Variants in FAM107B observed in about 807,000 individuals in gnomAD.
FAM107B encodes the protein family with sequence similarity 107 member B.
A neutral mutation model predicts 31.5 loss-of-function variants in FAM107B; 21 were observed. That is an observed-to-expected ratio of 0.67 (90% CI 0.47 to 0.96). The LOEUF (loss-of-function observed/expected upper bound fraction) is 0.96, where lower values mean the gene tolerates loss of function less well. Among genes scored for constraint, FAM107B ranks in the 40% least tolerant of loss-of-function variants. The pLI, the probability that FAM107B is intolerant of heterozygous loss-of-function variation, is 0.00. For synonymous variants in FAM107B, 157 were observed against 141.5 expected, an observed-to-expected ratio of 1.11 and a Z score of -0.78; for missense variants, 452 against 377.1, an observed-to-expected ratio of 1.20 and a Z score of -1.64.
At chr10:14,773,474 T>A (rs1033609750) in intron 1 of FAM107B, among the ~76,000 whole-genome samples, 1 of 152,214 alleles carries the variant, frequency 6.6e-6, no homozygotes, top group African/African-American at 2.4e-5. Context: ...TCAAGAGATA[T>A]CTTTGGAGTG....
At chr10:14,763,954 T>C (rs1833110574) in intron 1 of FAM107B, among the ~76,000 whole-genome samples, 1 of 152,258 alleles carries the variant, frequency 6.6e-6, no homozygotes, top group Non-Finnish European at 1.5e-5. Context: ...TCTGTGTCTA[T>C]GATTTTCTTG....
chr10:14,565,804 C>T (rs553090643), intron 2 of FAM107B, among the ~76,000 whole-genome samples: 19 of 152,124 alleles, frequency 1.2e-4, no homozygotes, highest in African/African-American at 3.1e-4. Context: ...GATAATCGAG[C>T]GAGAGAAGGA....
rs76551899 is a variant in FAM107B at position 14,565,967 on chromosome 10, G to A, written c.470-35452C>T. The stretch of plus-strand genomic sequence containing the variant: ...GGCCCTGTGGAACTCGCAGCAGGGC[G>A]GACCTAAGGCCTCTCTGCAGCACTG... On this transcript the variant is annotated intron_variant, in intron 2 of 4. Coordinates refer to ENST00000181796, the MANE Select transcript of FAM107B (RefSeq NM_031453.4). 6.1e-4 allele frequency among the ~76,000 whole-genome samples: 93 copies of A among 152,320 alleles called. No homozygotes were observed. In the East Asian group the frequency reaches 0.013, roughly 21 times the overall value.
At chr10:14,693,747 C>G (rs1345166788) in intron 1 of FAM107B, among the ~76,000 whole-genome samples, 1 of 152,060 alleles carries the variant, frequency 6.6e-6, no homozygotes, top group African/African-American at 2.4e-5. Context: ...CCTCCATGTC[C>G]CCATCTCTTC....
chr10:14,769,899 GGA>G (rs1833262689), intron 1 of FAM107B, among the ~76,000 whole-genome samples: 1 of 152,162 alleles, frequency 6.6e-6, no homozygotes. Flanking sequence ...TACATCACTG[GGA>G]GAGAGAGGAG....
intron 1 of FAM107B, among the ~76,000 whole-genome samples, chr10:14,754,430 C>T (rs924170967): frequency 6.6e-6 from 1 of 152,134 alleles, no homozygotes; most frequent in African/African-American, 2.4e-5. Flanking sequence ...GTGGTCTTAT[C>T]CCTTAAACAC....
At chr10:14,725,821 C>CTTTTTTTT (rs759788163) in intron 1 of FAM107B, among the ~76,000 whole-genome samples, 9 of 94,296 alleles carry the variant, frequency 9.5e-5, no homozygotes, top group Non-Finnish European at 1.4e-4. Context: ...CAGTCAAATC[C>CTTTTTTTT]TTTTTTTTTT....
In FAM107B at chr10:14,667,669, G is replaced by C; in HGVS notation, c.434C>G (p.Pro145Arg). 1.2e-6 allele frequency: 2 copies of C among 1,614,136 alleles called. No individual in the cohort carries two copies. Among genetic ancestry groups the C allele is most frequent in the Non-Finnish European group, 1.7e-6 (2 of 1,180,006 alleles). Residue 145 changes from proline to arginine, a missense_variant, in exon 2 of 5, where the codon CCT becomes CGT. By Grantham distance (103) the Pro-to-Arg change is moderately radical (BLOSUM62 -2). Coordinates refer to ENST00000181796, the MANE Select transcript of FAM107B (RefSeq NM_031453.4). ...TPKEEEFREE[P>R]KCLELEQKMT... Reference sequence around the variant, plus strand: ...TTTCTGCTCCAGCTCGAGGCATTTAGGTTCTTCTCGAAATTCTTCTTCCTA... The same window carrying C: ...TTTCTGCTCCAGCTCGAGGCATTTACGTTCTTCTCGAAATTCTTCTTCCTA...
chr10:14,645,863 T>C (rs1853739443), intron 2 of FAM107B, among the ~76,000 whole-genome samples: 1 of 152,214 alleles, frequency 6.6e-6, no homozygotes, highest in South Asian at 2.1e-4. Flanking sequence ...TGGGTGGAAA[T>C]GAATATCATG....
intron 1 of FAM107B, among the ~76,000 whole-genome samples, chr10:14,705,896 A>C (rs1406958306): frequency 6.6e-6 from 1 of 152,198 alleles, no homozygotes; most frequent in Non-Finnish European, 1.5e-5. Flanking sequence ...ACGTTAAGGC[A>C]ACAGAAGTTA....
At chr10:14,598,370 G>A (rs1367536440) in intron 2 of FAM107B, among the ~76,000 whole-genome samples, 1 of 152,176 alleles carries the variant, frequency 6.6e-6, no homozygotes, top group East Asian at 1.9e-4. Flanking sequence ...GGAATACCAG[G>A]CAGCCTTAGA....
At chr10:14,657,902 C>T (rs1203592905) in intron 2 of FAM107B, among the ~76,000 whole-genome samples, 2 of 151,984 alleles carry the variant, frequency 1.3e-5, no homozygotes, top group Admixed American at 6.6e-5. Context: ...CCTTGGCAGC[C>T]CAGACTCAAG....
chr10:14,653,420 C>T (rs1221893883), intron 2 of FAM107B, among the ~76,000 whole-genome samples: 1 of 152,200 alleles, frequency 6.6e-6, no homozygotes, highest in African/African-American at 2.4e-5. Context: ...TTTCACATCA[C>T]CAGCCTTGCT....
chr10:14,541,283 G>A lies in FAM107B; in HGVS notation c.470-10768C>T, dbSNP rs193193046. 4.6e-5 allele frequency among the ~76,000 whole-genome samples: 7 copies of A among 152,298 alleles called. 1 individual carries two copies. The highest frequency in any genetic ancestry group is 1.3e-4 in the Admixed American group (2 of 15,304). On this transcript the variant is annotated intron_variant, in intron 2 of 4. Coordinates refer to ENST00000181796, the MANE Select transcript of FAM107B (RefSeq NM_031453.4). ...CATTTAATCAGATCAGGGCTACCAAGCCGAGCATCACTGGTCACCTCAGGA... is the reference window on the plus strand; with the variant it reads ...CATTTAATCAGATCAGGGCTACCAAACCGAGCATCACTGGTCACCTCAGGA...
intron 2 of FAM107B, among the ~76,000 whole-genome samples, chr10:14,541,098 A>G (rs1056032458): frequency 6.6e-6 from 1 of 152,098 alleles, no homozygotes; most frequent in Non-Finnish European, 1.5e-5. Context: ...ATCGATCATC[A>G]GTTCCCTTCC....
chr10:14,619,692 G>T (rs1588662430), intron 2 of FAM107B, among the ~76,000 whole-genome samples: 2 of 92,158 alleles, frequency 2.2e-5, no homozygotes, highest in African/African-American at 8.1e-5. Flanking sequence ...TTTACGATTT[G>T]TGTTTGTGTC....
intron 2 of FAM107B, chr10:14,556,224 A>T: frequency 2.7e-6 from 1 of 367,542 alleles, no homozygotes; most frequent in Non-Finnish European, 3.8e-6. Context: ...GCTTAAAGTG[A>T]CTTTCCAGAG....
At chr10:14,578,388 T>C (rs990003532) in intron 2 of FAM107B, among the ~76,000 whole-genome samples, 2 of 152,204 alleles carry the variant, frequency 1.3e-5, no homozygotes, top group Non-Finnish European at 2.9e-5. Context: ...ACGTTAGAAA[T>C]ATAGTGAAGA....
intron 2 of FAM107B, among the ~76,000 whole-genome samples, chr10:14,646,453 T>C (rs569870443): frequency 1.5e-4 from 23 of 152,334 alleles, no homozygotes; most frequent in Admixed American, 1.4e-3. Context: ...CCTGAGTTAC[T>C]TCACTTAGGA....
Sources: allele counts gnomAD v4.1 joint callset (sites outside exome capture counted in the v4.1 genomes callset), GRCh38; gene constraint gnomAD v4.1.1; transcripts MANE v1.5; gene names NCBI Gene and HGNC (gene_info 2026-07-23, HGNC 2026-07-21).